LMO7: variants seen among roughly 807,000 people sequenced by gnomAD.
LMO7 encodes LIM domain only protein 7.
A neutral mutation model predicts 206.5 loss-of-function variants in LMO7; 120 were observed. The observed-to-expected ratio is 0.58, with a 90% confidence interval of 0.50 to 0.68. The LOEUF (loss-of-function observed/expected upper bound fraction) is 0.68, where lower values mean the gene tolerates loss of function less well. LMO7 is among the 30% of genes least tolerant of loss of function. The probability of loss-of-function intolerance (pLI) is 0.00; values close to 1 mark genes in which losing one functional copy is unlikely to be tolerated. For synonymous variants in LMO7, 706 were observed against 681.5 expected, an observed-to-expected ratio of 1.04 and a Z score of -0.56; for missense variants, 1,959 against 1,957.9, an observed-to-expected ratio of 1.00 and a Z score of -0.01.
chr13:75,628,451 G>A (rs761486637), intron 2 of LMO7: 2 of 152,120 alleles, frequency 1.3e-5, no homozygotes, highest in Non-Finnish European at 1.5e-5. Flanking sequence ...CATTATGTAA[G>A]TACTGACAAC....
intron 1 of LMO7, among the ~76,000 whole-genome samples, chr13:75,708,971 C>T (rs890749751): frequency 2.6e-5 from 4 of 151,980 alleles, no homozygotes; most frequent in African/African-American, 9.7e-5. Flanking sequence ...CAACAGGCCC[C>T]GGTGTGTGAT....
rs748643312 is a variant in LMO7, at chr13:75,821,624, C to T, written c.2640+15C>T. ...GATCTTACACGGTAAAAAATGTTCTCGGTTCATTTAGTCTGTTCTGAAGAG... is the reference window on the plus strand; with the variant it reads ...GATCTTACACGGTAAAAAATGTTCTTGGTTCATTTAGTCTGTTCTGAAGAG... On this transcript the variant is annotated intron_variant, in intron 14 of 30. Coordinates refer to ENST00000377534, the MANE Select transcript of LMO7 (RefSeq NM_001306080.2). 1.6e-5 allele frequency: 26 copies of T among 1,595,954 alleles called. No homozygotes were observed. Among genetic ancestry groups the T allele is most frequent in the South Asian group, 4.5e-5 (4 of 88,492 alleles).
At position 75,759,467 on chromosome 13, in the gene LMO7, A is replaced by C. The variant is rs184344624; in HGVS notation, c.211-1465A>C. On this transcript the variant is annotated intron_variant, in intron 3 of 30. Coordinates refer to ENST00000377534, the MANE Select transcript of LMO7 (RefSeq NM_001306080.2). Reference sequence around the variant, plus strand: ...TTGCTCCTCTTGGAATTTTGCCAATAAATTGTGTCTCCTTTTTCCATAATA... The same window carrying C: ...TTGCTCCTCTTGGAATTTTGCCAATCAATTGTGTCTCCTTTTTCCATAATA... Among the ~76,000 whole-genome samples the C allele has an allele frequency of 1.4e-4, 21 of 152,318 alleles. No homozygotes were observed. The East Asian group carries it at 3.9e-3, about 28-fold the overall frequency.
At chr13:75,632,121 C>T (rs1375449000), upstream of LMO7, 1 of 152,004 alleles carries the variant, frequency 6.6e-6, no homozygotes, top group Non-Finnish European at 1.5e-5. Context: ...AAAATAAATA[C>T]AAATTTTGAT....
At chr13:75,777,805 C>G (rs1325243615) in intron 4 of LMO7, among the ~76,000 whole-genome samples, 2 of 151,962 alleles carry the variant, frequency 1.3e-5, no homozygotes, top group Non-Finnish European at 2.9e-5. Flanking sequence ...GCCACGACGC[C>G]CGCCTAATTT....
At chr13:75,820,497 G>T (rs759318401) in intron 13 of LMO7, among the ~76,000 whole-genome samples, 2 of 152,198 alleles carry the variant, frequency 1.3e-5, no homozygotes, top group Middle Eastern at 3.4e-3. Flanking sequence ...GGTTCAAATT[G>T]GTTGTCAATC....
At chr13:75,806,016 G>T in intron 9 of LMO7, 1 of 1,203,040 alleles carries the variant, frequency 8.3e-7, no homozygotes, top group Non-Finnish European at 1.0e-6. Context: ...CCAATTCTTT[G>T]TCTCATTCCC....
At chr13:75,820,893 A>G (rs1329995622) in intron 13 of LMO7, among the ~76,000 whole-genome samples, 1 of 151,774 alleles carries the variant, frequency 6.6e-6, no homozygotes, top group East Asian at 1.9e-4. Flanking sequence ...GCTACTCGGG[A>G]GGCTGAGTCA....
At chr13:75,662,468 GC>G (rs999565680) in intron 1 of LMO7, among the ~76,000 whole-genome samples, 11 of 152,242 alleles carry the variant, frequency 7.2e-5, no homozygotes, top group African/African-American at 2.6e-4. Flanking sequence ...ACAGGCGTGT[GC>G]CCCCACACCT....
intron 1 of LMO7, among the ~76,000 whole-genome samples, chr13:75,704,048 T>A (rs1028797016): frequency 2.6e-5 from 4 of 152,180 alleles, no homozygotes; most frequent in African/African-American, 9.7e-5. Flanking sequence ...GTCATGGAGA[T>A]CATATAATGG....
intron 3 of LMO7, among the ~76,000 whole-genome samples, chr13:75,759,591 C>T (rs892758538): frequency 1.9e-4 from 29 of 152,082 alleles, no homozygotes; most frequent in Non-Finnish European, 3.2e-4. Flanking sequence ...TAAAACGATT[C>T]GTGGATTTCA....
At chr13:75,716,894 CTTTT>C (rs35871564) in intron 2 of LMO7, among the ~76,000 whole-genome samples, 1 of 138,726 alleles carries the variant, frequency 7.2e-6, no homozygotes, top group Non-Finnish European at 1.6e-5. Context: ...TGAAAACACT[CTTTT>C]TTTTTTTTTT....
At chr13:75,756,206 G>T (rs2047671557) in intron 3 of LMO7, among the ~76,000 whole-genome samples, 1 of 152,154 alleles carries the variant, frequency 6.6e-6, no homozygotes, top group African/African-American at 2.4e-5. Context: ...CTCAGCAAGA[G>T]ACCAAGGTAG....
chr13:75,695,011 C>G (rs1454813154), intron 1 of LMO7, among the ~76,000 whole-genome samples: 1 of 152,146 alleles, frequency 6.6e-6, no homozygotes, highest in Non-Finnish European at 1.5e-5. Flanking sequence ...TCCTGCCTCC[C>G]ACACACTCCG....
intron 15 of LMO7, among the ~76,000 whole-genome samples, chr13:75,827,628 A>T (rs1038222218): frequency 6.6e-6 from 1 of 151,992 alleles, no homozygotes; most frequent in Admixed American, 6.6e-5. Context: ...AGGAAGAGGG[A>T]GTGTGACTCC....
At chr13:75,675,972 G>A (rs1212883613) in intron 1 of LMO7, among the ~76,000 whole-genome samples, 1 of 152,074 alleles carries the variant, frequency 6.6e-6, no homozygotes, top group Admixed American at 6.6e-5. Flanking sequence ...AATATGTGGG[G>A]AAATTTTGTA....
chr13:75,669,607 G>A (rs993210338), intron 1 of LMO7, among the ~76,000 whole-genome samples: 3 of 152,170 alleles, frequency 2.0e-5, no homozygotes, highest in African/African-American at 4.8e-5. Flanking sequence ...TGCCCGCCTA[G>A]CCTCATCTGT....
intron 1 of LMO7, among the ~76,000 whole-genome samples, chr13:75,654,973 C>T (rs12863144): frequency 0.042 from 6,370 of 151,364 alleles, 171 homozygotes; most frequent in Middle Eastern, 0.088. Context: ...CCGGGTTCCT[C>T]GATTCTCCTG....
chr13:75,798,034 C>A (rs911817431), intron 6 of LMO7, among the ~76,000 whole-genome samples: 1 of 152,100 alleles, frequency 6.6e-6, no homozygotes, highest in African/African-American at 2.4e-5. Flanking sequence ...ACAGGGAGAG[C>A]CTTGATTTAC....
Sources: gnomAD v4.1 joint callset for allele counts (sites outside exome capture counted in the v4.1 genomes callset) on GRCh38, gnomAD v4.1.1 for gene constraint, MANE v1.5 for transcripts, NCBI Gene and HGNC (gene_info 2026-07-23, HGNC 2026-07-21) for gene names.